TANC2: variants seen among roughly 807,000 people sequenced by gnomAD.
TANC2 encodes the protein tetratricopeptide repeat, ankyrin repeat and coiled-coil containing 2.
TANC2 carries 26 observed loss-of-function variants against 210.5 expected under a neutral mutation model. That is an observed-to-expected ratio of 0.12 (90% CI 0.09 to 0.17). The LOEUF (loss-of-function observed/expected upper bound fraction) is 0.17. Among genes scored for constraint, TANC2 ranks in the 10% least tolerant of loss-of-function variants. TANC2 has a pLI of 1.00. For synonymous variants in TANC2, 931 were observed against 967.1 expected (o/e 0.96, Z 0.69); for missense variants, 2,129 against 2,608.9 (o/e 0.82, Z 4.01).
chr17:63,225,533 G>C (rs1267881014), intron 7 of TANC2, among the ~76,000 whole-genome samples: 1 of 152,092 alleles, frequency 6.6e-6, no homozygotes, highest in African/African-American at 2.4e-5. Context: ...ATGCCCCATA[G>C]ACACTTCAAA....
intron 7 of TANC2, among the ~76,000 whole-genome samples, chr17:63,208,676 GCTT>G (rs1230880355): frequency 5.9e-4 from 89 of 152,132 alleles, no homozygotes; most frequent in African/African-American, 2.0e-3. Flanking sequence ...TTCATTTAGA[GCTT>G]CTTTAGTATC....
intron 4 of TANC2, among the ~76,000 whole-genome samples, chr17:63,130,248 C>G (rs1443345462): frequency 6.6e-6 from 1 of 152,144 alleles, no homozygotes; most frequent in Admixed American, 6.5e-5. Context: ...GTGGCTCACA[C>G]CTGTAATCCC....
At chr17:63,121,314 A>G (rs909483579) in intron 4 of TANC2, among the ~76,000 whole-genome samples, 3 of 152,168 alleles carry the variant, frequency 2.0e-5, no homozygotes, top group African/African-American at 7.2e-5. Flanking sequence ...TATAAGATGA[A>G]TGAAGTAGTG....
At chr17:63,039,795 A>G (rs1204628153) in intron 2 of TANC2, among the ~76,000 whole-genome samples, 5 of 152,122 alleles carry the variant, frequency 3.3e-5, no homozygotes, top group African/African-American at 1.2e-4. Flanking sequence ...GTAGTTCTAA[A>G]ATCTTCATGC....
At chr17:63,306,883 A>G (rs1181290828) in intron 9 of TANC2, among the ~76,000 whole-genome samples, 4 of 152,136 alleles carry the variant, frequency 2.6e-5, no homozygotes, top group Non-Finnish European at 4.4e-5. Flanking sequence ...GAGCCCAGGA[A>G]TTTGAGGCTG....
intron 2 of TANC2, among the ~76,000 whole-genome samples, chr17:63,020,108 A>C (rs555717321): frequency 2.0e-5 from 3 of 151,768 alleles, no homozygotes; most frequent in African/African-American, 7.3e-5. Context: ...TTATATTTTC[A>C]GTAGAGACGG....
At chr17:63,065,251 T>C (rs894539095) in intron 2 of TANC2, among the ~76,000 whole-genome samples, 9 of 152,262 alleles carry the variant, frequency 5.9e-5, no homozygotes, top group Admixed American at 5.9e-4. Context: ...CTGAATAGTA[T>C]TACATTGTGT....
intron 5 of TANC2, among the ~76,000 whole-genome samples, chr17:63,185,091 C>T (rs961875594): frequency 6.6e-5 from 10 of 151,664 alleles, no homozygotes; most frequent in Non-Finnish European, 1.3e-4. Flanking sequence ...AACTCCCAGG[C>T]TCAAGCCATC....
chr17:63,364,268 A>G (rs1171473435), intron 14 of TANC2, among the ~76,000 whole-genome samples: 1 of 152,230 alleles, frequency 6.6e-6, no homozygotes, highest in African/African-American at 2.4e-5. Context: ...CATAAATCAT[A>G]GGATCGACAT....
intron 12 of TANC2, among the ~76,000 whole-genome samples, chr17:63,341,711 C>G (rs1192145795): frequency 6.6e-6 from 1 of 152,196 alleles, no homozygotes; most frequent in African/African-American, 2.4e-5. Context: ...CTTCCCCAGT[C>G]TCTCCAGTCT....
At chr17:63,109,902 T>TTCTTTCACGTGGCAGTCTTTTATA (rs1292604495) in intron 4 of TANC2, among the ~76,000 whole-genome samples, 6 of 151,744 alleles carry the variant, frequency 4.0e-5, no homozygotes, top group African/African-American at 1.5e-4. Context: ...AATTAACCTC[T>TTCTTTCACGTGGCAGTCTTTTATA]TCTTTCACGT....
intron 4 of TANC2, among the ~76,000 whole-genome samples, chr17:63,105,666 A>G (rs970184707): frequency 3.3e-5 from 5 of 151,698 alleles, no homozygotes; most frequent in Non-Finnish European, 1.5e-5. Context: ...CTTCTCATTT[A>G]TATCTTGGAA....
At chr17:63,017,229 T>C (rs529622055) in intron 2 of TANC2, among the ~76,000 whole-genome samples, 8 of 152,354 alleles carry the variant, frequency 5.3e-5, no homozygotes, top group South Asian at 4.1e-4. Context: ...GCGTTACTTA[T>C]AGATTTTTAG....
chr17:63,171,758 A>G (rs941904315), intron 5 of TANC2, among the ~76,000 whole-genome samples: 2 of 152,248 alleles, frequency 1.3e-5, no homozygotes, highest in African/African-American at 2.4e-5. Context: ...ATAACACAAG[A>G]TGCCTACTAT....
chr17:63,384,821 G>T (rs1296588394), intron 15 of TANC2, among the ~76,000 whole-genome samples: 2 of 152,192 alleles, frequency 1.3e-5, no homozygotes, highest in Non-Finnish European at 2.9e-5. Flanking sequence ...GCCAAGGATG[G>T]AAAATGGTTT....
At chr17:63,044,204 A>G (rs1456975875) in intron 2 of TANC2, among the ~76,000 whole-genome samples, 2 of 152,182 alleles carry the variant, frequency 1.3e-5, no homozygotes, top group East Asian at 3.8e-4. Context: ...AGATGCACAC[A>G]GATATAGATA....
At chr17:62,988,790 A>G (rs1166253489) in intron 1 of TANC2, among the ~76,000 whole-genome samples, 2 of 152,198 alleles carry the variant, frequency 1.3e-5, no homozygotes, top group Non-Finnish European at 2.9e-5. Context: ...ATCAGCACTC[A>G]GGTATGGCTT....
At chr17:63,075,268 G>C (rs1471051969) in intron 3 of TANC2, among the ~76,000 whole-genome samples, 1 of 152,032 alleles carries the variant, frequency 6.6e-6, no homozygotes, top group Non-Finnish European at 1.5e-5. Flanking sequence ...ATCAAATATA[G>C]ATGTTTGAAA....
chr17:63,201,248 A>G (rs1345816636), intron 7 of TANC2, among the ~76,000 whole-genome samples: 1 of 152,146 alleles, frequency 6.6e-6, no homozygotes, highest in Non-Finnish European at 1.5e-5. Context: ...TCAACTATCT[A>G]CCAACAGAAG....
Sources: gnomAD v4.1 joint callset for allele counts (sites outside exome capture counted in the v4.1 genomes callset) on GRCh38, gnomAD v4.1.1 for gene constraint, MANE v1.5 for transcripts, NCBI Gene and HGNC (gene_info 2026-07-23, HGNC 2026-07-21) for gene names.